DNAH17: variants seen among roughly 807,000 people sequenced by gnomAD.
DNAH17 encodes dynein axonemal heavy chain 17.
In DNAH17, 376 loss-of-function variants were observed where a neutral mutation model predicts 485.6. The ratio of observed to expected loss-of-function variants is 0.77; its 90% CI spans 0.71 to 0.84. The LOEUF (loss-of-function observed/expected upper bound fraction) is 0.84, where lower values mean the gene tolerates loss of function less well. Among genes scored for constraint, DNAH17 ranks in the 40% least tolerant of loss-of-function variants. DNAH17 has a pLI of 0.00. For synonymous variants in DNAH17, 3,031 were observed against 2,405.9 expected (o/e 1.26, Z -7.60); for missense variants, 6,370 against 5,839.3 (o/e 1.09, Z -2.96).
chr17:78,572,942 T>C (rs773352344), intron 2 of DNAH17, 48 bp from the exon 3 acceptor site: 2 of 1,557,930 alleles, frequency 1.3e-6, no homozygotes, highest in East Asian at 4.6e-5. Context: ...CTTCACCAGC[T>C]CGGCAACCGC....
At chr17:78,426,351 G>GA in intron 79 of DNAH17, 106 bp downstream of exon 79, 4 of 1,358,432 alleles carry the variant, frequency 2.9e-6, no homozygotes, top group Non-Finnish European at 3.9e-6. Flanking sequence ...AGGCCCCCAG[G>GA]AGCCTCCTGG....
intron 74 of DNAH17, among the ~76,000 whole-genome samples, chr17:78,434,452 T>TTTTAA (rs1275900302): frequency 1.3e-5 from 2 of 152,192 alleles, no homozygotes; most frequent in Non-Finnish European, 2.9e-5. Flanking sequence ...ATTTTATCCC[T>TTTTAA]TTTAAGTACT....
chr17:78,514,191 A>G (rs1196018668), intron 26 of DNAH17, among the ~76,000 whole-genome samples: 1 of 152,164 alleles, frequency 6.6e-6, no homozygotes. Context: ...CAAAATGGAA[A>G]TGCGGGAACT....
chr17:78,501,318 C>T lies in DNAH17; in HGVS notation c.5349G>A (p.Trp1783Ter). ...AKVESSQAFT[W>*]QAQLRHRWDE... is the part of the protein sequence containing the mutation. ...CCCAGCGATGCCGGAGCTGGGCCTG[C>T]CAGGTGAAGGCCTGAGAACTCTCCA... is the stretch of plus-strand genomic sequence containing the variant. Residue 1783 changes from tryptophan to a stop codon, truncating the protein, a stop_gained, in exon 35 of 81, where the codon TGG becomes TGA. Transcript: ENST00000389840. LOFTEE classifies it high-confidence loss of function. 6.2e-7 allele frequency: 1 copy of T among 1,603,074 alleles called. No homozygotes were observed. Among genetic ancestry groups the T allele is most frequent in the Non-Finnish European group, 8.5e-7 (1 of 1,171,230 alleles).
rs2087712036 is a variant in DNAH17 at position 78,454,681 on chromosome 17, G to C, written c.10195C>G (p.Leu3399Val). The C allele has an allele frequency of 1.9e-6, 3 of 1,612,642 alleles. No individual in the cohort carries two copies. The African/African-American group carries it at 4.0e-5, about 22-fold the overall frequency. The change falls in exon 64 of 81, where the codon CTG becomes GTG. Residue 3399 changes from leucine (L) to valine (V), a missense_variant. Transcript: ENST00000389840. ...LKVPIPITNG[L>V]DPLSLLTDDA... is the part of the protein sequence containing the mutation. ...TCTGTCAGCAGGCTCAAGGGATCCA[G>C]GCCATTCGTGATCGGGATGGGGACC...
At chr17:78,568,593 A>G (rs568604237) in intron 9 of DNAH17, among the ~76,000 whole-genome samples, 11 of 152,252 alleles carry the variant, frequency 7.2e-5, no homozygotes, top group Non-Finnish European at 1.3e-4. Context: ...ACCGCCTTGA[A>G]GCTTTTTTTT....
intron 52 of DNAH17, among the ~76,000 whole-genome samples, chr17:78,476,104 C>T (rs1456413169): frequency 2.0e-5 from 3 of 152,084 alleles, no homozygotes; most frequent in Non-Finnish European, 2.9e-5. Flanking sequence ...GACACACCAG[C>T]GAGGCACACA....
Position 78,423,885 on chromosome 17 carries a change from G to A in DNAH17, c.*21C>T, listed in dbSNP as rs1462535819. ...GTTGTGGTCCAGCCCCAGGGAGTGT[G>A]GGCTGTGAGGCAGGAGCGAGCTAAA... On this transcript the variant is annotated 3_prime_UTR_variant, in exon 81 of 81. Coordinates refer to ENST00000389840, the MANE Select transcript of DNAH17 (RefSeq NM_173628.4). The A allele has an allele frequency of 6.2e-7, 1 of 1,613,136 alleles. No homozygotes were observed. The highest frequency in any genetic ancestry group is 8.5e-7 in the Non-Finnish European group (1 of 1,179,350).
At position 78,458,637 on chromosome 17, in the gene DNAH17, T is replaced by C; in HGVS notation, c.9905A>G (p.Lys3302Arg). 6.2e-7 allele frequency: 1 copy of C among 1,614,008 alleles called. No individual in the cohort carries two copies. The highest frequency in any genetic ancestry group is 8.5e-7 in the Non-Finnish European group (1 of 1,179,876). Residue 3302 changes from lysine to arginine, a missense_variant, in exon 62 of 81, where the codon AAA (lysine) becomes AGA (arginine). By Grantham distance (26) the Lys-to-Arg change is conservative (BLOSUM62 2). Coordinates refer to ENST00000389840, the MANE Select transcript of DNAH17 (RefSeq NM_173628.4). ...NLSNLTSAFE[K>R]ATAEKIKCQQ... ...ACACTTGATTTTCTCAGCTGTTGCT[T>C]TTTCAAACGCTGAGGTTAGGTTGCT... is the stretch of plus-strand genomic sequence containing the variant.
chr17:78,479,070 C>T lies in DNAH17; in HGVS notation c.7947G>A (p.Lys2649=), dbSNP rs2089234218. 3 of 1,613,844 alleles carry T rather than the reference C, an allele frequency of 1.9e-6. No individual in the cohort carries two copies. Among genetic ancestry groups the T allele is most frequent in the Admixed American group, 1.7e-5 (1 of 59,994 alleles). The change falls in exon 51 of 81, where the codon AAG becomes AAA. Residue 2649 remains lysine (K), a synonymous_variant. Coordinates refer to ENST00000389840, the MANE Select transcript of DNAH17 (RefSeq NM_173628.4). The part of the protein sequence containing the change: ...ITATFLPTAI[K]FHYVFNLRDL... ...CCCTGAGGTTGAAGACATAATGAAACTTAATGGCCGTGGGAAGAAATGTTG... is the reference window on the plus strand; with the variant it reads ...CCCTGAGGTTGAAGACATAATGAAATTTAATGGCCGTGGGAAGAAATGTTG...
intron 26 of DNAH17, among the ~76,000 whole-genome samples, chr17:78,513,435 G>C (rs1414903745): frequency 6.6e-6 from 1 of 152,084 alleles, no homozygotes; most frequent in Non-Finnish European, 1.5e-5. Flanking sequence ...CTCTTTCCTG[G>C]TCTTTTCCTA....
intron 56 of DNAH17, among the ~76,000 whole-genome samples, chr17:78,463,338 G>A (rs543102499): frequency 2.4e-4 from 37 of 152,312 alleles, no homozygotes; most frequent in African/African-American, 8.4e-4. Flanking sequence ...ACGCATACAT[G>A]CACACACATG....
rs774313007 is a variant in DNAH17 at position 78,539,790 on chromosome 17, C to G, written c.2623G>C (p.Asp875His). 2.5e-6 allele frequency: 4 copies of G among 1,611,920 alleles called. No homozygotes were observed. The highest frequency in any genetic ancestry group is 1.7e-5 in the Admixed American group (1 of 59,902). Residue 875 changes from aspartate to histidine, a missense_variant, in exon 18 of 81, where the codon GAC (aspartate) becomes CAC (histidine). Transcript: ENST00000389840. ...CTCAGAGATTTGCGAATGAACTGGT[C>G]AAATTCATCTAAGACCATGTCGTCA... is the stretch of plus-strand genomic sequence containing the variant. ...YIDDMVLDEF[D>H]QFIRKSLSFL...
chr17:78,572,637 G>T (rs2092376365), intron 3 of DNAH17, 64 bp downstream of exon 3: 5 of 1,352,974 alleles, frequency 3.7e-6, no homozygotes, highest in African/African-American at 1.5e-5. Flanking sequence ...GGGGTGGGGG[G>T]TGGGGGTCAA....
intron 19 of DNAH17, 32 bp downstream of exon 19, chr17:78,537,267 C>T: frequency 6.5e-7 from 1 of 1,545,540 alleles, no homozygotes; most frequent in Non-Finnish European, 8.8e-7. Flanking sequence ...AATGGATGAC[C>T]CTGTGTACGG....
chr17:78,444,861 G>A (rs545556085), intron 70 of DNAH17, 64 bp from the exon 71 acceptor site: 11 of 1,459,538 alleles, frequency 7.5e-6, no homozygotes, highest in Middle Eastern at 1.8e-4. Context: ...GAGCCTTCCT[G>A]TACAGTTCAT....
Position 78,437,749 on chromosome 17 carries a change from C to A in DNAH17, c.11925G>T (p.Glu3975Asp). ...FISAEPAPSP[E>D]THIIPQGILE... The stretch of plus-strand genomic sequence containing the variant: ...GAATGCCCTGGGGGATGATGTGGGT[C>A]TCGGGGCTGGGGGCAGGCTCCGCGC... The change falls in exon 74 of 81, where the codon GAG (glutamate) becomes GAT (aspartate). Residue 3975 changes from glutamate (E) to aspartate (D), a missense_variant. By Grantham distance (45) the Glu-to-Asp change is conservative. Transcript: ENST00000389840. 8 of 1,612,600 alleles carry A rather than the reference C, an allele frequency of 5.0e-6. No individual in the cohort carries two copies. The highest frequency in any genetic ancestry group is 6.8e-6 in the Non-Finnish European group (8 of 1,179,774).
At chr17:78,483,738 C>T (rs1235061395) in intron 48 of DNAH17, among the ~76,000 whole-genome samples, 2 of 152,180 alleles carry the variant, frequency 1.3e-5, no homozygotes, top group Non-Finnish European at 2.9e-5. Context: ...CGGCATGAGG[C>T]CAGGCTTCAT....
At chr17:78,445,535 G>C (rs552063920) in intron 70 of DNAH17, 23 bp downstream of exon 70, 1 of 1,557,456 alleles carries the variant, frequency 6.4e-7, no homozygotes, top group African/African-American at 1.4e-5. Context: ...AAAGCACAAC[G>C]TGTTCAACGT....
Sources: allele counts gnomAD v4.1 joint callset (sites outside exome capture counted in the v4.1 genomes callset), GRCh38; gene constraint gnomAD v4.1.1; transcripts MANE v1.5; gene names NCBI Gene and HGNC (gene_info 2026-07-23, HGNC 2026-07-21).